Variants in COL27A1 observed in about 807,000 individuals in gnomAD.
COL27A1 encodes collagen alpha-1(XXVII) chain.
In COL27A1, 106 loss-of-function variants were observed where a neutral mutation model predicts 251.3. That is an observed-to-expected ratio of 0.42 (90% CI 0.36 to 0.50). The LOEUF is 0.50. Among genes scored for constraint, COL27A1 ranks in the 20% least tolerant of loss-of-function variants. The probability of loss-of-function intolerance (pLI) is 0.00; values close to 1 mark genes in which losing one functional copy is unlikely to be tolerated. For synonymous variants in COL27A1, 1,000 were observed against 986.3 expected, an observed-to-expected ratio of 1.01 and a Z score of -0.26; for missense variants, 2,325 against 2,522.8, an observed-to-expected ratio of 0.92 and a Z score of 1.68.
intron 15 of COL27A1, among the ~76,000 whole-genome samples, 169 bp from the exon 16 acceptor site, chr9:114,231,653 C>G (rs975335770): frequency 6.6e-6 from 1 of 152,200 alleles, no homozygotes; most frequent in Non-Finnish European, 1.5e-5. Flanking sequence ...CTCCTTCAGT[C>G]CACACCCTTG....
chr9:114,222,289 G>T, intron 14 of COL27A1, 22 bp downstream of exon 14: 1 of 1,609,988 alleles, frequency 6.2e-7, no homozygotes, highest in East Asian at 2.2e-5. Context: ...GATGCCTGGG[G>T]CAGCAGGTGG....
chr9:114,156,118 TCCTG>T (rs1410749407), intron 1 of COL27A1, 106 bp downstream of exon 1: 2 of 1,269,984 alleles, frequency 1.6e-6, no homozygotes, highest in Non-Finnish European at 2.0e-6. Context: ...AACGTCAGCT[TCCTG>T]CCCCTTCCTG....
chr9:114,270,027 ACT>A lies in COL27A1; in HGVS notation c.3556-698_3556-697del, dbSNP rs562116258. On this transcript the variant is annotated intron_variant, in intron 35 of 60. Coordinates refer to ENST00000356083, the MANE Select transcript of COL27A1 (RefSeq NM_032888.4). ...AAGCCTGGTTGAGGTTCAGCCAGGG[ACT>A]CTGTTCTTGCTGTCATTCCCGAGCT... Among the ~76,000 whole-genome samples the A allele has an allele frequency of 3.4e-3, 515 of 152,302 alleles. 3 individuals carry two copies. Among genetic ancestry groups the A allele is most frequent in the Non-Finnish European group, 6.0e-3 (405 of 68,028 alleles).
chr9:114,236,869 T>C, intron 17 of COL27A1, 112 bp from the exon 18 acceptor site: 1 of 932,960 alleles, frequency 1.1e-6, no homozygotes, highest in Non-Finnish European at 1.7e-6. Flanking sequence ...GGAGCTCATC[T>C]TCCTCCAAGG....
chr9:114,182,924 C>G, intron 4 of COL27A1, 98 bp from the exon 5 acceptor site: 1 of 1,050,712 alleles, frequency 9.5e-7, no homozygotes, highest in East Asian at 2.4e-5. Context: ...AGAAGATAAA[C>G]CAGTGGGTGG....
chr9:114,245,755 C>A (rs1328134243), intron 23 of COL27A1, 111 bp from the exon 24 acceptor site: 15 of 988,200 alleles, frequency 1.5e-5, no homozygotes, highest in Non-Finnish European at 2.4e-5. Flanking sequence ...AGATAAGATC[C>A]CTGGTTCATC....
chr9:114,171,347 C>T (rs1394448822), intron 3 of COL27A1, among the ~76,000 whole-genome samples: 1 of 152,204 alleles, frequency 6.6e-6, no homozygotes, highest in Non-Finnish European at 1.5e-5. Flanking sequence ...CGTTCCATCC[C>T]ACTGCCCTGA....
chr9:114,209,308 C>G (rs538680652), intron 10 of COL27A1: 2 of 468,268 alleles, frequency 4.3e-6, no homozygotes, highest in African/African-American at 3.9e-5. Flanking sequence ...CGGGCACCTA[C>G]CAGCATCCCT....
chr9:114,297,192 A>G (rs544120106), intron 49 of COL27A1, among the ~76,000 whole-genome samples: 70 of 152,330 alleles, frequency 4.6e-4, no homozygotes, highest in Non-Finnish European at 6.6e-4. Flanking sequence ...CAATTTAAAT[A>G]GTATAGTTAT....
chr9:114,191,935 T>C (rs1828777167), intron 5 of COL27A1, among the ~76,000 whole-genome samples: 1 of 152,204 alleles, frequency 6.6e-6, no homozygotes. Flanking sequence ...ATGCTTATCA[T>C]CATCACTGGT....
At chr9:114,183,482 T>G (rs1468889785) in intron 5 of COL27A1, among the ~76,000 whole-genome samples, 1 of 151,412 alleles carries the variant, frequency 6.6e-6, no homozygotes, top group Non-Finnish European at 1.5e-5. Flanking sequence ...GAATGCGGGG[T>G]GGGGAACCAG....
At position 114,265,453 on chromosome 9, in the gene COL27A1, C is replaced by T. The variant is rs1834673839; in HGVS notation, c.3371C>T (p.Thr1124Ile). The T allele has an allele frequency of 1.2e-6, 2 of 1,613,786 alleles. No individual in the cohort carries two copies. The highest frequency in any genetic ancestry group is 1.7e-5 in the Admixed American group (1 of 60,002). Residue 1124 changes from threonine to isoleucine, a missense_variant, in exon 32 of 61, where the codon ACC (threonine) becomes ATC (isoleucine). By Grantham distance (89) the Thr-to-Ile change is moderately conservative (BLOSUM62 -1). Coordinates refer to ENST00000356083, the MANE Select transcript of COL27A1 (RefSeq NM_032888.4). ...CCGGGTCCCTCAGGCCCCCCAGGCA[C>T]CAAGGGCCTCCCAGGAGAACCGGTA... is the stretch of plus-strand genomic sequence containing the variant. ...GIPGPSGPPG[T>I]KGLPGEPGPQ...
chr9:114,183,693 G>A (rs1828120867), intron 5 of COL27A1, among the ~76,000 whole-genome samples: 3 of 152,110 alleles, frequency 2.0e-5, no homozygotes, highest in African/African-American at 7.2e-5. Flanking sequence ...GTAAGATGAT[G>A]TTGCACGCAG....
intron 23 of COL27A1, among the ~76,000 whole-genome samples, chr9:114,244,678 G>T (rs1832990956): frequency 6.6e-6 from 1 of 152,218 alleles, no homozygotes. Flanking sequence ...GAGCCGAAGG[G>T]GGAGGAGGCT....
At chr9:114,301,814 C>A in intron 55 of COL27A1, 97 bp downstream of exon 55, 5 of 1,220,200 alleles carry the variant, frequency 4.1e-6, no homozygotes, top group Non-Finnish European at 5.8e-6. Flanking sequence ...GACCCTGAAC[C>A]CCACAGGGGT....
At chr9:114,244,115 A>T (rs1254994143) in intron 23 of COL27A1, among the ~76,000 whole-genome samples, 1 of 151,800 alleles carries the variant, frequency 6.6e-6, no homozygotes, top group Non-Finnish European at 1.5e-5. Context: ...TTTAGTAGAG[A>T]TGGAGTTTCA....
chr9:114,278,610 G>A lies in COL27A1; in HGVS notation c.3717+2842G>A, dbSNP rs993621351. Among the ~76,000 whole-genome samples, 3 of 149,616 alleles carry A rather than the reference G, an allele frequency of 2.0e-5. No homozygotes were observed. In the East Asian group the frequency reaches 6.1e-4, roughly 30 times the overall value. On this transcript the variant is annotated intron_variant, in intron 37 of 60. Coordinates refer to ENST00000356083, the MANE Select transcript of COL27A1 (RefSeq NM_032888.4). The stretch of plus-strand genomic sequence containing the variant: ...TGGTGGGGGTGGGAGTGGTGATGAT[G>A]ATGATATGGTGGTATGGCGTAGGTA...
At chr9:114,228,496 G>A (rs1170904546) in intron 14 of COL27A1, among the ~76,000 whole-genome samples, 1 of 152,172 alleles carries the variant, frequency 6.6e-6, no homozygotes, top group African/African-American at 2.4e-5. Context: ...CTTCCAATCC[G>A]GCTTCTCTCC....
intron 28 of COL27A1, among the ~76,000 whole-genome samples, chr9:114,261,505 G>T (rs1344170139): frequency 2.6e-5 from 4 of 152,236 alleles, no homozygotes; most frequent in Admixed American, 2.6e-4. Context: ...GCCCTGTGGG[G>T]CTGGGGAGAC....
Sources: gnomAD v4.1 joint callset for allele counts (sites outside exome capture counted in the v4.1 genomes callset) on GRCh38, gnomAD v4.1.1 for gene constraint, MANE v1.5 for transcripts, NCBI Gene and HGNC (gene_info 2026-07-23, HGNC 2026-07-21) for gene names.